The following FHIT variants were observed in gnomAD, a reference collection of about 807,000 sequenced individuals.
The protein encoded by FHIT is bis(5'-adenosyl)-triphosphatase.
A neutral mutation model predicts 17.9 loss-of-function variants in FHIT; 19 were observed. That is an observed-to-expected ratio of 1.06 (90% CI 0.74 to 1.56). The LOEUF (loss-of-function observed/expected upper bound fraction) is 1.56. Ranked by LOEUF, FHIT falls within the 40% of genes most tolerant of loss-of-function variation. FHIT has a pLI of 0.00. For synonymous variants in FHIT, 81 were observed against 69.7 expected (o/e 1.16, Z -0.81); for missense variants, 248 against 189.2 (o/e 1.31, Z -1.82).
At chr3:61,242,524 T>C (rs1358115248) in intron 1 of FHIT, among the ~76,000 whole-genome samples, 1 of 152,196 alleles carries the variant, frequency 6.6e-6, no homozygotes, top group Admixed American at 6.5e-5. Context: ...CTTGTCCTTT[T>C]GTAACCACCC....
chr3:59,955,113 T>A (rs1559495716), intron 7 of FHIT, among the ~76,000 whole-genome samples: 1 of 152,176 alleles, frequency 6.6e-6, no homozygotes, highest in South Asian at 2.1e-4. Context: ...AAAACAACAG[T>A]AGCTATCGTA....
intron 4 of FHIT, among the ~76,000 whole-genome samples, chr3:60,656,350 C>T (rs2040115285): frequency 6.6e-6 from 1 of 152,160 alleles, no homozygotes; most frequent in African/African-American, 2.4e-5. Flanking sequence ...AAGCTGCATA[C>T]TTTGCCTGGG....
intron 5 of FHIT, among the ~76,000 whole-genome samples, chr3:60,244,595 A>G (rs1471579450): frequency 1.3e-5 from 2 of 152,092 alleles, no homozygotes; most frequent in Non-Finnish European, 2.9e-5. Flanking sequence ...TTGCCACAGA[A>G]GCCACAAAAT....
chr3:60,456,673 G>C (rs745457656), intron 5 of FHIT, among the ~76,000 whole-genome samples: 3 of 152,166 alleles, frequency 2.0e-5, no homozygotes, highest in Non-Finnish European at 4.4e-5. Context: ...AGATTAGAGA[G>C]GCTTCTTTTT....
At chr3:60,092,309 C>A (rs753605379) in intron 5 of FHIT, among the ~76,000 whole-genome samples, 1 of 152,164 alleles carries the variant, frequency 6.6e-6, no homozygotes, top group African/African-American at 2.4e-5. Context: ...GATCTACAGT[C>A]TTTGTATGAC....
Position 60,521,183 on chromosome 3 carries a change from T to C in FHIT, c.103+15677A>G, listed in dbSNP as rs78997097. ...TAGGGCTACCATTATATAATGTCCA[T>C]TCCAAGACCCATGCTCTTGATCAAC... On this transcript the variant is annotated intron_variant, in intron 5 of 9. Transcript: ENST00000492590. Among the ~76,000 whole-genome samples, 1,025 of 152,130 alleles carry C rather than the reference T, an allele frequency of 6.7e-3. 13 individuals carry two copies. The highest frequency in any genetic ancestry group is 0.022 in the African/African-American group (930 of 41,490).
At chr3:59,851,953 T>C (rs1457546409) in intron 8 of FHIT, among the ~76,000 whole-genome samples, 3 of 152,188 alleles carry the variant, frequency 2.0e-5, no homozygotes, top group Non-Finnish European at 4.4e-5. Context: ...TAATTTACCC[T>C]TTCATCTTGC....
At chr3:61,100,805 G>A (rs1576013433) in intron 2 of FHIT, among the ~76,000 whole-genome samples, 1 of 152,136 alleles carries the variant, frequency 6.6e-6, no homozygotes, top group Non-Finnish European at 1.5e-5. Flanking sequence ...TTTTTCTAAC[G>A]ACCAGTGATG....
intron 4 of FHIT, among the ~76,000 whole-genome samples, chr3:60,789,685 C>T (rs1700711492): frequency 2.0e-5 from 3 of 152,038 alleles, no homozygotes. Flanking sequence ...TGACTCTGTC[C>T]CTTGAATAAC....
intron 3 of FHIT, among the ~76,000 whole-genome samples, chr3:60,824,233 G>A (rs1702036551): frequency 6.6e-6 from 1 of 152,182 alleles, no homozygotes; most frequent in Non-Finnish European, 1.5e-5. Context: ...TAGCCAGGTA[G>A]CACACAGGAG....
intron 5 of FHIT, among the ~76,000 whole-genome samples, chr3:60,454,717 C>T (rs2031978358): frequency 6.6e-6 from 1 of 152,072 alleles, no homozygotes; most frequent in Admixed American, 6.6e-5. Context: ...AATATATCTT[C>T]TTAATAAAAG....
At chr3:59,989,240 G>A (rs1368522481) in intron 7 of FHIT, among the ~76,000 whole-genome samples, 1 of 152,048 alleles carries the variant, frequency 6.6e-6, no homozygotes, top group East Asian at 1.9e-4. Flanking sequence ...AGGAAACTGA[G>A]CTCTTGAGTT....
At chr3:61,062,566 C>A (rs2106703113) in intron 2 of FHIT, among the ~76,000 whole-genome samples, 1 of 152,266 alleles carries the variant, frequency 6.6e-6, no homozygotes, top group Non-Finnish European at 1.5e-5. Context: ...GGTATGGAAA[C>A]TGTGACTCTC....
chr3:60,398,187 A>G (rs1701526297), intron 5 of FHIT, among the ~76,000 whole-genome samples: 1 of 152,172 alleles, frequency 6.6e-6, no homozygotes, highest in Non-Finnish European at 1.5e-5. Context: ...TCTACTATAG[A>G]TCTGGCAGTA....
intron 2 of FHIT, among the ~76,000 whole-genome samples, chr3:61,093,207 T>A (rs1264788991): frequency 6.6e-6 from 1 of 151,990 alleles, no homozygotes; most frequent in Non-Finnish European, 1.5e-5. Flanking sequence ...TGGCAAACAA[T>A]GAGCACACAA....
intron 2 of FHIT, among the ~76,000 whole-genome samples, chr3:61,140,090 C>T (rs2037037480): frequency 6.6e-6 from 1 of 151,402 alleles, no homozygotes; most frequent in Non-Finnish European, 1.5e-5. Context: ...ACTTTGGGGG[C>T]AGCCAGCCCT....
At chr3:59,751,863 T>C (rs503665) in intron 9 of FHIT, 8,420 of 50,386 alleles carry the variant, frequency 0.17, 635 homozygotes, top group African/African-American at 0.39. Context: ...ATGTCACACC[T>C]TTAAGTTAAG....
chr3:60,084,109 T>C (rs1257980215), intron 5 of FHIT, among the ~76,000 whole-genome samples: 1 of 152,122 alleles, frequency 6.6e-6, no homozygotes, highest in Non-Finnish European at 1.5e-5. Context: ...ATACATAATG[T>C]TGTATAAGGA....
intron 3 of FHIT, among the ~76,000 whole-genome samples, chr3:60,921,031 A>G (rs1292526837): frequency 3.3e-5 from 5 of 152,246 alleles, no homozygotes; most frequent in Admixed American, 6.5e-5. Flanking sequence ...ATTCCGTAAG[A>G]TATTTATTAA....
Sources: gnomAD v4.1 joint callset for allele counts (sites outside exome capture counted in the v4.1 genomes callset) on GRCh38, gnomAD v4.1.1 for gene constraint, MANE v1.5 for transcripts, NCBI Gene and HGNC (gene_info 2026-07-23, HGNC 2026-07-21) for gene names.